DGCR2: variants seen among roughly 807,000 people sequenced by gnomAD.
DGCR2 encodes the protein integral membrane protein DGCR2/IDD.
DGCR2 carries 24 observed loss-of-function variants against 51.6 expected under a neutral mutation model. That is an observed-to-expected ratio of 0.47 (90% CI 0.34 to 0.65). The LOEUF is 0.65. Ranked by LOEUF, DGCR2 falls within the 30% of genes least tolerant of loss-of-function variation. The probability of loss-of-function intolerance (pLI) is 0.01; values close to 1 mark genes in which losing one functional copy is unlikely to be tolerated. For missense variants in DGCR2, 765 were observed against 772.1 expected (o/e 0.99, Z 0.11); for synonymous variants, 340 against 315.4 (o/e 1.08, Z -0.82).
chr22:19,068,060 C>T (rs765296149), intron 3 of DGCR2, 40 bp downstream of exon 3: 11 of 1,511,244 alleles, frequency 7.3e-6, no homozygotes, highest in East Asian at 7.1e-5. Flanking sequence ...GTCAGGCTTG[C>T]ACTCCCCAGT....
rs777495657 is a variant in DGCR2 at position 19,068,151 on chromosome 22, C to T, written c.277G>A (p.Asp93Asn). 11 of 1,610,824 alleles carry T rather than the reference C, an allele frequency of 6.8e-6. No homozygotes were observed. The highest frequency in any genetic ancestry group is 1.3e-5 in the African/African-American group (1 of 74,864). ...TTCACCGCGTGGAAGTGCGAAGGGT[C>T]GCCTCCTCTGGCCCGCCCCTGCCGC... ...DPRQGRARGG[D>N]PSHFHAVNVA... The change falls in exon 3 of 10, where the codon GAC becomes AAC. Residue 93 changes from aspartate (D) to asparagine (N), a missense_variant. By Grantham distance (23) the Asp-to-Asn change is conservative. Transcript: ENST00000263196.
intron 2 of DGCR2, among the ~76,000 whole-genome samples, chr22:19,076,548 G>A (rs772159798): frequency 1.3e-5 from 2 of 151,960 alleles, no homozygotes; most frequent in Non-Finnish European, 2.9e-5. Flanking sequence ...CACCGCAGAG[G>A]GATTCCACTT....
chr22:19,038,806 A>C lies in DGCR2; in HGVS notation c.*59T>G. 6.3e-7 allele frequency: 1 copy of C among 1,576,388 alleles called. No individual in the cohort carries two copies. ...AGGGGCCTTTCAAGTCTCCCCAGGG[A>C]CCGGTGTTTTCTACAACAGACAGGT... On this transcript the variant is annotated 3_prime_UTR_variant, in exon 10 of 10. Transcript: ENST00000263196.
chr22:19,064,970 C>T lies in DGCR2; in HGVS notation c.426G>A (p.Ala142=), dbSNP rs764748367. The T allele has an allele frequency of 1.8e-5, 29 of 1,613,856 alleles. No individual in the cohort carries two copies. The Admixed American group carries it at 4.5e-4, about 25-fold the overall frequency. ...AGCCATTCAGGCGCTGGCAGGTCTG[C>T]GCGGCATCCCAGTAGTTCTCCCCGC... ...YLSGENYWDA[A]QTCQRLNGSL... Residue 142 remains alanine (A), a synonymous_variant, in exon 4 of 10, where the codon GCG becomes GCA. Transcript: ENST00000263196.
intron 1 of DGCR2, among the ~76,000 whole-genome samples, chr22:19,102,943 C>A (rs1391182570): frequency 6.6e-6 from 1 of 152,098 alleles, no homozygotes; most frequent in African/African-American, 2.4e-5. Flanking sequence ...GAGGTCAGGG[C>A]TGCAGTGAGT....
chr22:19,042,024 G>A, intron 7 of DGCR2, 65 bp from the exon 8 acceptor site: 1 of 1,543,646 alleles, frequency 6.5e-7, no homozygotes, highest in South Asian at 1.2e-5. Context: ...CGCTGGGGAT[G>A]CTGTCGTCCT....
intron 7 of DGCR2, among the ~76,000 whole-genome samples, chr22:19,042,381 G>A (rs1012698576): frequency 2.0e-5 from 3 of 152,222 alleles, no homozygotes; most frequent in Admixed American, 6.5e-5. Flanking sequence ...GGCCTCCCAC[G>A]TCCGTCCAAC....
chr22:19,037,334 A>G lies in DGCR2; in HGVS notation c.*1531T>C, dbSNP rs1401403983. 2 of 152,224 alleles carry G rather than the reference A, an allele frequency of 1.3e-5. No homozygotes were observed. The highest frequency in any genetic ancestry group is 2.9e-5 in the Non-Finnish European group (2 of 68,068). The allele number at this position is 152,224 out of a possible 1,614,324, so 9.4% of individuals were successfully genotyped here. On this transcript the variant is annotated 3_prime_UTR_variant, in exon 10 of 10. Coordinates refer to ENST00000263196, the MANE Select transcript of DGCR2 (RefSeq NM_005137.3). Reference sequence around the variant, plus strand: ...GGGCAACTCAAGATTCTCATTCCACATGGGATGGAAAAAATGGGTCTCCAG... The same window carrying G: ...GGGCAACTCAAGATTCTCATTCCACGTGGGATGGAAAAAATGGGTCTCCAG...
chr22:19,038,690 A>C lies in DGCR2; in HGVS notation c.*175T>G. On this transcript the variant is annotated 3_prime_UTR_variant, in exon 10 of 10. Transcript: ENST00000263196. ...TCAAGGAAGCTCGGTGCAGGCCATCACTTCTTTTGGCAGAAGGCGGGCTGT... is the reference window on the plus strand; with the variant it reads ...TCAAGGAAGCTCGGTGCAGGCCATCCCTTCTTTTGGCAGAAGGCGGGCTGT... The C allele has an allele frequency of 1.3e-6, 1 of 795,272 alleles. No homozygotes were observed. The highest frequency in any genetic ancestry group is 1.7e-5 in the African/African-American group (1 of 57,618). The allele number at this position is 795,272 out of a possible 1,614,324, so 49.3% of individuals were successfully genotyped here. A position where few individuals can be genotyped will look rare whatever the true frequency, so the allele number is the denominator to read the frequency against.
rs369855633 is a variant in DGCR2, at chr22:19,094,290, C to T, written c.80-4800G>A. On this transcript the variant is annotated intron_variant, in intron 1 of 9. Coordinates refer to ENST00000263196, the MANE Select transcript of DGCR2 (RefSeq NM_005137.3). The stretch of plus-strand genomic sequence containing the variant: ...CAAAAACGCAAAAATTAGATGGGTG[C>T]GGTGGCGGGCGCCTGTAATCCCAGC... Among the ~76,000 whole-genome samples the T allele has an allele frequency of 1.6e-3, 241 of 151,804 alleles. 3 individuals are homozygous for T. Among genetic ancestry groups the T allele is most frequent in the African/African-American group, 5.6e-3 (233 of 41,388 alleles).
At chr22:19,082,738 C>CA (rs1274328737) in intron 2 of DGCR2, among the ~76,000 whole-genome samples, 1 of 149,932 alleles carries the variant, frequency 6.7e-6, no homozygotes, top group East Asian at 2.0e-4. Flanking sequence ...GCCTGGGTGA[C>CA]AGAGCGAAAC....
At chr22:19,073,191 C>T (rs1282241583) in intron 2 of DGCR2, among the ~76,000 whole-genome samples, 1 of 152,140 alleles carries the variant, frequency 6.6e-6, no homozygotes, top group Non-Finnish European at 1.5e-5. Context: ...TTGAGCCTAG[C>T]TGTTTGAGGC....
chr22:19,085,224 ATAGTGTG>A (rs2083001839), intron 2 of DGCR2, among the ~76,000 whole-genome samples: 1 of 152,194 alleles, frequency 6.6e-6, no homozygotes, highest in Non-Finnish European at 1.5e-5. Context: ...GCAAGGCTAT[ATAGTGTG>A]AGCAAAAGTA....
intron 1 of DGCR2, among the ~76,000 whole-genome samples, chr22:19,112,204 C>G (rs1323187992): frequency 2.0e-5 from 3 of 149,838 alleles, no homozygotes; most frequent in Non-Finnish European, 3.0e-5. Context: ...ACCCGGGAGG[C>G]AGAGGTTACA....
chr22:19,063,073 G>C (rs2082702855), intron 5 of DGCR2, 129 bp downstream of exon 5: 2 of 741,772 alleles, frequency 2.7e-6, no homozygotes, highest in Non-Finnish European at 4.3e-6. Flanking sequence ...CCCTGCAACT[G>C]GGGCTCACCC....
At chr22:19,083,814 C>T (rs895504891) in intron 2 of DGCR2, among the ~76,000 whole-genome samples, 10 of 151,350 alleles carry the variant, frequency 6.6e-5, no homozygotes, top group Non-Finnish European at 3.0e-5. Context: ...ACTGCAACCT[C>T]CCTGCCTGAT....
chr22:19,106,421 CA>C (rs1283906753), intron 1 of DGCR2, among the ~76,000 whole-genome samples: 1 of 152,124 alleles, frequency 6.6e-6, no homozygotes, highest in Non-Finnish European at 1.5e-5. Flanking sequence ...GTCTCAGCAG[CA>C]GGGGGCAGTG....
chr22:19,094,358 G>C (rs2083114846), intron 1 of DGCR2, among the ~76,000 whole-genome samples: 2 of 152,246 alleles, frequency 1.3e-5, no homozygotes, highest in Non-Finnish European at 2.9e-5. Context: ...CCAGGAGACA[G>C]AGGTTGCAGT....
At chr22:19,042,630 G>C (rs1302660568) in intron 7 of DGCR2, among the ~76,000 whole-genome samples, 1 of 152,198 alleles carries the variant, frequency 6.6e-6, no homozygotes, top group Non-Finnish European at 1.5e-5. Context: ...GAGTAGCATA[G>C]GGCATCAGGA....
Sources: gnomAD v4.1 joint callset for allele counts (sites outside exome capture counted in the v4.1 genomes callset) on GRCh38, gnomAD v4.1.1 for gene constraint, MANE v1.5 for transcripts, NCBI Gene and HGNC (gene_info 2026-07-23, HGNC 2026-07-21) for gene names.